Variants in SDR16C5 observed in about 807,000 individuals in gnomAD.
SDR16C5 encodes epidermal retinol dehydrogenase 2.
A neutral mutation model predicts 27.7 loss-of-function variants in SDR16C5; 20 were observed. The ratio of observed to expected loss-of-function variants is 0.72; its 90% CI spans 0.51 to 1.05. The LOEUF is 1.05. Among genes scored for constraint, SDR16C5 ranks in the 50% least tolerant of loss-of-function variants. The pLI is 0.00. For missense variants in SDR16C5, 374 were observed against 366.3 expected (o/e 1.02, Z -0.17); for synonymous variants, 139 against 132.3 (o/e 1.05, Z -0.35).
chr8:56,309,446 T>C (rs1814969010), intron 3 of SDR16C5: 1 of 985,432 alleles, frequency 1.0e-6, no homozygotes. Context: ...ACAGGACATC[T>C]GGCTGTTGAC....
At chr8:56,308,852 G>T in intron 4 of SDR16C5, 76 bp downstream of exon 4, 2 of 981,952 alleles carry the variant, frequency 2.0e-6, no homozygotes, top group Non-Finnish European at 3.2e-6. Flanking sequence ...TCAAGTCAGT[G>T]CTAATTATTC....
In SDR16C5 at chr8:56,308,927, C is replaced by T; in HGVS notation, c.565+1G>A. On this transcript the variant is annotated splice_donor_variant, in intron 4 of 6. Transcript: ENST00000303749. LOFTEE classifies it high-confidence loss of function. The stretch of plus-strand genomic sequence containing the variant: ...ATTGTAAATTGCTATGTTTTTCTTA[C>T]CTGCCAGCCCATTTACTCCACTTAA... 1 of 1,603,956 alleles carries T rather than the reference C, an allele frequency of 6.2e-7. No individual in the cohort carries two copies.
At chr8:56,309,685 A>G in intron 3 of SDR16C5, 1 of 672,094 alleles carries the variant, frequency 1.5e-6, no homozygotes, top group Non-Finnish European at 1.8e-6. Flanking sequence ...AGGTGAGAAA[A>G]GGGATCTCTT....
Position 56,312,147 on chromosome 8 carries a change from C to T in SDR16C5, c.465+10G>A. ...ATTTTACATTTATGATGAGAAGAAA[C>T]AATTATTACCCATAAATGTGCTTTG... On this transcript the variant is annotated intron_variant, in intron 3 of 6. Coordinates refer to ENST00000303749, the MANE Select transcript of SDR16C5 (RefSeq NM_138969.4). 1.2e-6 allele frequency: 2 copies of T among 1,601,266 alleles called. No individual in the cohort carries two copies. The highest frequency in any genetic ancestry group is 2.2e-5 in the East Asian group (1 of 44,780).
At chr8:56,305,079 T>C (rs1461945053) in intron 6 of SDR16C5, among the ~76,000 whole-genome samples, 1 of 152,198 alleles carries the variant, frequency 6.6e-6, no homozygotes, top group African/African-American at 2.4e-5. Flanking sequence ...GCCTGTTCTT[T>C]TGCTTTTAAG....
chr8:56,304,031 C>T (rs1167945170), intron 6 of SDR16C5: 9 of 702,896 alleles, frequency 1.3e-5, no homozygotes, highest in Non-Finnish European at 2.1e-5. Flanking sequence ...ATCCTTTGCT[C>T]TGTCCCACAT....
At position 56,305,679 on chromosome 8, in the gene SDR16C5, C is replaced by A; in HGVS notation, c.754G>T (p.Glu252Ter). 1 of 1,601,260 alleles carries A rather than the reference C, an allele frequency of 6.2e-7. No individual in the cohort carries two copies. The highest frequency in any genetic ancestry group is 8.5e-7 in the Non-Finnish European group (1 of 1,176,016). Residue 252 changes from glutamate to a stop codon, truncating the protein, a stop_gained, in exon 6 of 7, where the codon GAA (glutamate) becomes TAA (stop). Coordinates refer to ENST00000303749, the MANE Select transcript of SDR16C5 (RefSeq NM_138969.4). LOFTEE classifies it high-confidence loss of function. Reference protein sequence around the residue: ...LPILEPKYAVEKIVEAILQEK... With the variant: ...LPILEPKYAV ...TGTAGAATAGCTTCTACTATTTTTT[C>A]AACTGCATATTTTGGTTCCAGAATT...
Position 56,305,699 on chromosome 8 carries a change from AG to A in SDR16C5, c.733del (p.Leu245TrpfsTer10), listed in dbSNP as rs1292925691. 6 of 1,597,632 alleles carry A rather than the reference AG, an allele frequency of 3.8e-6. No individual in the cohort carries two copies. Among genetic ancestry groups the A allele is most frequent in the Non-Finnish European group, 5.1e-6 (6 of 1,175,224 alleles). On this transcript the variant is annotated frameshift_variant, in exon 6 of 7. Transcript: ENST00000303749. LOFTEE classifies it high-confidence loss of function. ...TTGCPSLLPI[L>X]EPKYAVEKIV... ...TTTTTCAACTGCATATTTTGGTTCC[AG>A]AATTGGCAACAGAGAAGGACAGCTA...
chr8:56,310,719 A>C (rs1369426528), intron 3 of SDR16C5, among the ~76,000 whole-genome samples: 4 of 99,954 alleles, frequency 4.0e-5, no homozygotes, highest in Non-Finnish European at 9.0e-5. Flanking sequence ...TCTATCTCAA[A>C]AAAAAAAAAA....
intron 1 of SDR16C5, among the ~76,000 whole-genome samples, chr8:56,317,620 C>T (rs940697653): frequency 6.6e-6 from 1 of 152,130 alleles, no homozygotes; most frequent in Non-Finnish European, 1.5e-5. Context: ...CTGAAGTCAG[C>T]CTAGTTGCGG....
At chr8:56,305,404 T>C (rs993564931) in intron 6 of SDR16C5, among the ~76,000 whole-genome samples, 193 bp downstream of exon 6, 6 of 152,324 alleles carry the variant, frequency 3.9e-5, no homozygotes, top group African/African-American at 1.4e-4. Context: ...TCTTGACTCA[T>C]GGCGGGCACT....
Position 56,301,392 on chromosome 8 carries a change from T to C in SDR16C5, c.*88A>G, listed in dbSNP as rs900151593. 2.3e-6 allele frequency: 2 copies of C among 880,696 alleles called. No individual in the cohort carries two copies. The highest frequency in any genetic ancestry group is 3.3e-5 in the African/African-American group (2 of 60,820). The allele number at this position is 880,696 out of a possible 1,614,324, so 54.6% of individuals were successfully genotyped here. ...TGGTACTTGTGGTCTCCAGATATAT[T>C]CCACTGTCAGACAAAAATACTTTTC... On this transcript the variant is annotated 3_prime_UTR_variant, in exon 7 of 7. Transcript: ENST00000303749.
At chr8:56,312,310 C>A in intron 2 of SDR16C5, 22 bp from the exon 3 acceptor site, 1 of 1,607,266 alleles carries the variant, frequency 6.2e-7, no homozygotes, top group South Asian at 1.1e-5. Context: ...AAGAGCAACA[C>A]CACCAATGTA....
chr8:56,308,517 G>T (rs1418266158), intron 4 of SDR16C5, among the ~76,000 whole-genome samples: 2 of 152,198 alleles, frequency 1.3e-5, no homozygotes, highest in Non-Finnish European at 2.9e-5. Flanking sequence ...GTATCTTGAG[G>T]TGTAGAAACT....
intron 3 of SDR16C5, among the ~76,000 whole-genome samples, chr8:56,309,879 T>C (rs1201993772): frequency 3.9e-5 from 6 of 152,168 alleles, no homozygotes; most frequent in African/African-American, 1.2e-4. Context: ...AGCCTTCAGG[T>C]AGCTCTTGGA....
Position 56,312,140 on chromosome 8 carries a change from G to T in SDR16C5, c.465+17C>A, listed in dbSNP as rs1166291022. On this transcript the variant is annotated intron_variant, in intron 3 of 6. Transcript: ENST00000303749. ...CAGAATAATTTTACATTTATGATGA[G>T]AAGAAACAATTATTACCCATAAATG... The T allele has an allele frequency of 6.3e-7, 1 of 1,592,258 alleles. No individual in the cohort carries two copies. Among genetic ancestry groups the T allele is most frequent in the African/African-American group, 1.3e-5 (1 of 74,454 alleles).
chr8:56,301,539 C>A lies in SDR16C5; in HGVS notation c.871G>T (p.Asp291Tyr). ...ATTGCATGAAGGATGCCCAAATAGT[C>A]AGCTATAAGCAGTCCTGTCTTGAGG... ...LPLKTGLLIA[D>Y]YLGILHAMDG... Residue 291 changes from aspartate (D) to tyrosine (Y), a missense_variant, in exon 7 of 7, where the codon GAC (aspartate) becomes TAC (tyrosine). Transcript: ENST00000303749. 6.2e-7 allele frequency: 1 copy of A among 1,614,122 alleles called. No individual in the cohort carries two copies. Among genetic ancestry groups the A allele is most frequent in the South Asian group, 1.1e-5 (1 of 91,060 alleles).
intron 2 of SDR16C5, 85 bp downstream of exon 2, chr8:56,315,930 G>T: frequency 1.1e-6 from 1 of 882,120 alleles, no homozygotes; most frequent in South Asian, 1.6e-5. Context: ...AGGGACACTG[G>T]AGACAGGCTA....
chr8:56,305,037 G>A (rs994636308), intron 6 of SDR16C5, among the ~76,000 whole-genome samples: 2 of 152,182 alleles, frequency 1.3e-5, no homozygotes, highest in Admixed American at 1.3e-4. Context: ...CTCCCAAAGT[G>A]CTGGGATTAC....
Sources: allele counts gnomAD v4.1 joint callset (sites outside exome capture counted in the v4.1 genomes callset), GRCh38; gene constraint gnomAD v4.1.1; transcripts MANE v1.5; gene names NCBI Gene and HGNC (gene_info 2026-07-23, HGNC 2026-07-21).